Variants in MALRD1 observed in about 807,000 individuals in gnomAD.
MALRD1 encodes the protein MAM and LDL receptor class A domain containing 1.
A neutral mutation model predicts 242.1 loss-of-function variants in MALRD1; 247 were observed. The ratio of observed to expected loss-of-function variants is 1.02; its 90% confidence interval spans 0.92 to 1.13. The LOEUF (loss-of-function observed/expected upper bound fraction) is 1.13. Ranked by LOEUF, MALRD1 falls within the 50% of genes most tolerant of loss-of-function variation. MALRD1 has a pLI of 0.00. For synonymous variants in MALRD1, 995 were observed against 866.6 expected (o/e 1.15, Z -2.60); for missense variants, 2,989 against 2,533.1 (o/e 1.18, Z -3.86).
At chr10:19,643,734 T>C (rs568227100) in intron 36 of MALRD1, among the ~76,000 whole-genome samples, 5 of 152,274 alleles carry the variant, frequency 3.3e-5, no homozygotes, top group Non-Finnish European at 5.9e-5. Flanking sequence ...TTCTGTCCCC[T>C]TCCTTGAAGC....
intron 36 of MALRD1, among the ~76,000 whole-genome samples, chr10:19,664,639 G>A (rs1038779783): frequency 6.6e-6 from 1 of 151,776 alleles, no homozygotes; most frequent in African/African-American, 2.4e-5. Flanking sequence ...TGTAACTCCT[G>A]TATTACTGAT....
chr10:19,235,151 T>C (rs1218064535), intron 18 of MALRD1, among the ~76,000 whole-genome samples: 1 of 152,132 alleles, frequency 6.6e-6, no homozygotes, highest in Non-Finnish European at 1.5e-5. Context: ...TTCAGTCAGG[T>C]AAGTGAGCTG....
intron 14 of MALRD1, among the ~76,000 whole-genome samples, chr10:19,180,287 G>A (rs1401048316): frequency 1.3e-5 from 2 of 152,192 alleles, no homozygotes; most frequent in African/African-American, 4.8e-5. Context: ...ACATTGGCAA[G>A]CAGCCATGCT....
At chr10:19,072,036 C>A (rs191379459) in intron 2 of MALRD1, among the ~76,000 whole-genome samples, 2 of 152,152 alleles carry the variant, frequency 1.3e-5, no homozygotes, top group South Asian at 2.1e-4. Context: ...ACCGTATACA[C>A]GTACTTATGA....
intron 38 of MALRD1, among the ~76,000 whole-genome samples, chr10:19,697,303 G>A (rs1342249517): frequency 6.6e-6 from 1 of 152,082 alleles, no homozygotes; most frequent in Non-Finnish European, 1.5e-5. Flanking sequence ...AAACCACCAG[G>A]CAGGAAACTC....
At chr10:19,112,281 G>A (rs1291894291) in intron 5 of MALRD1, among the ~76,000 whole-genome samples, 2 of 151,546 alleles carry the variant, frequency 1.3e-5, no homozygotes, top group Non-Finnish European at 2.9e-5. Context: ...ACTAGAATGA[G>A]TAGTTTTAGT....
chr10:19,579,283 A>G (rs1836986889), intron 33 of MALRD1, among the ~76,000 whole-genome samples: 1 of 152,174 alleles, frequency 6.6e-6, no homozygotes, highest in South Asian at 2.1e-4. Context: ...GTCTTCTCTA[A>G]TGCCCATGTC....
intron 18 of MALRD1, among the ~76,000 whole-genome samples, chr10:19,238,458 TATATAATATA>T (rs1237439637): frequency 0.016 from 693 of 44,228 alleles, 66 homozygotes; most frequent in African/African-American, 0.071. Flanking sequence ...TTATATATAA[TATATAATATA>T]ATATATAATA....
chr10:19,688,133 C>T (rs1280808325), intron 36 of MALRD1, among the ~76,000 whole-genome samples: 2 of 152,100 alleles, frequency 1.3e-5, no homozygotes, highest in African/African-American at 4.8e-5. Flanking sequence ...CCACACCCAG[C>T]TAATTTTTGT....
chr10:19,317,612 A>T (rs2034213955), intron 21 of MALRD1, among the ~76,000 whole-genome samples: 1 of 152,018 alleles, frequency 6.6e-6, no homozygotes, highest in Non-Finnish European at 1.5e-5. Context: ...TGTCTCTCAT[A>T]CTGTGTGTGT....
At chr10:19,074,982 AC>A (rs1276664538) in intron 2 of MALRD1, among the ~76,000 whole-genome samples, 1 of 152,028 alleles carries the variant, frequency 6.6e-6, no homozygotes, top group Non-Finnish European at 1.5e-5. Flanking sequence ...AATGAGGGTG[AC>A]CATGATATTT....
intron 19 of MALRD1, among the ~76,000 whole-genome samples, chr10:19,267,582 C>A (rs1225597360): frequency 2.0e-5 from 3 of 152,048 alleles, no homozygotes; most frequent in Non-Finnish European, 4.4e-5. Flanking sequence ...AATCAAAAAG[C>A]AAGGGGAACA....
intron 29 of MALRD1, among the ~76,000 whole-genome samples, chr10:19,483,608 T>C (rs758786539): frequency 1.1e-4 from 16 of 152,134 alleles, no homozygotes; most frequent in Non-Finnish European, 2.1e-4. Context: ...TTCACATCAG[T>C]CAGAATGGTT....
At chr10:19,208,977 G>A (rs1588699735) in intron 17 of MALRD1, among the ~76,000 whole-genome samples, 1 of 152,084 alleles carries the variant, frequency 6.6e-6, no homozygotes, top group Non-Finnish European at 1.5e-5. Context: ...TCATGTGCCT[G>A]GAGTTATGGT....
chr10:19,372,534 T>C (rs978912120), intron 26 of MALRD1, among the ~76,000 whole-genome samples: 3 of 151,828 alleles, frequency 2.0e-5, no homozygotes, highest in Non-Finnish European at 4.4e-5. Flanking sequence ...AGTGGTGCAA[T>C]CTCGGCTCAC....
chr10:19,276,367 G>A (rs1026740246), intron 19 of MALRD1, among the ~76,000 whole-genome samples: 11 of 105,970 alleles, frequency 1.0e-4, no homozygotes, highest in Non-Finnish European at 1.8e-4. Flanking sequence ...CAAATTTAGC[G>A]ATCAAATTAG....
At chr10:19,349,145 G>T (rs900570292) in intron 25 of MALRD1, among the ~76,000 whole-genome samples, 21 of 152,058 alleles carry the variant, frequency 1.4e-4, no homozygotes, top group African/African-American at 5.1e-4. Flanking sequence ...ATTTTTAGTA[G>T]CGATGAGGTT....
chr10:19,340,883 C>T (rs187299303), intron 24 of MALRD1, among the ~76,000 whole-genome samples: 1 of 152,062 alleles, frequency 6.6e-6, no homozygotes, highest in East Asian at 1.9e-4. Flanking sequence ...GCATTGAGAC[C>T]CCATCTGAGA....
chr10:19,619,561 A>G (rs1839311729), intron 36 of MALRD1, among the ~76,000 whole-genome samples: 1 of 152,250 alleles, frequency 6.6e-6, no homozygotes, highest in Non-Finnish European at 1.5e-5. Flanking sequence ...TACACATGAT[A>G]TAAATTAATG....
Sources: gnomAD v4.1 joint callset for allele counts (sites outside exome capture counted in the v4.1 genomes callset) on GRCh38, gnomAD v4.1.1 for gene constraint, MANE v1.5 for transcripts, NCBI Gene and HGNC (gene_info 2026-07-23, HGNC 2026-07-21) for gene names.